The following ENTREP2 variants were observed in gnomAD, a reference collection of about 807,000 sequenced individuals.
ENTREP2 encodes protein ENTREP2.
At chr15:29,326,843 T>A in the ENTREP2 span, among the ~76,000 whole-genome samples, 51 of 152,162 alleles carry the variant, frequency 3.4e-4, no homozygotes, top group Non-Finnish European at 5.3e-4. Context: ...CAAGTCAACA[T>A]GGTATTGGCA....
chr15:29,273,124 C>G, the ENTREP2 span, among the ~76,000 whole-genome samples: 1 of 152,040 alleles, frequency 6.6e-6, no homozygotes, highest in East Asian at 1.9e-4. Flanking sequence ...TCTGTTCAGT[C>G]AGCTGGAGGG....
the ENTREP2 span, chr15:29,265,710 T>A: frequency 6.6e-6 from 1 of 152,224 alleles, no homozygotes; most frequent in Non-Finnish European, 1.5e-5. Context: ...GTCCTAGCCA[T>A]AAATTTATCT....
At chr15:29,152,790 G>A in the ENTREP2 span, among the ~76,000 whole-genome samples, 1,194 of 152,164 alleles carry the variant, frequency 7.8e-3, 8 homozygotes, top group Non-Finnish European at 0.011. Flanking sequence ...TTGTTTCTCC[G>A]AGATAAATGT....
At chr15:29,288,284 C>T in the ENTREP2 span, among the ~76,000 whole-genome samples, 1 of 152,190 alleles carries the variant, frequency 6.6e-6, no homozygotes, top group Non-Finnish European at 1.5e-5. Context: ...TGTGCATATA[C>T]AGTCATGTGC....
the ENTREP2 span, among the ~76,000 whole-genome samples, chr15:29,238,443 T>C: frequency 6.6e-6 from 1 of 151,984 alleles, no homozygotes; most frequent in South Asian, 2.1e-4. Context: ...CCATCCTGGC[T>C]AACACAGTGA....
the ENTREP2 span, among the ~76,000 whole-genome samples, chr15:29,140,309 G>C: frequency 1.3e-5 from 2 of 152,130 alleles, no homozygotes; most frequent in African/African-American, 4.8e-5. Context: ...CAGAGGAGAC[G>C]GGCAGACGCC....
At chr15:29,608,482 G>C in the ENTREP2 span, among the ~76,000 whole-genome samples, 1 of 151,046 alleles carries the variant, frequency 6.6e-6, no homozygotes, top group Non-Finnish European at 1.5e-5. Context: ...ATTCCTAGGG[G>C]CTCGACTGCT....
At chr15:29,234,032 G>C in the ENTREP2 span, 7 of 1,469,536 alleles carry the variant, frequency 4.8e-6, no homozygotes, top group Non-Finnish European at 6.7e-6. Flanking sequence ...TCTGGGTCAA[G>C]ATCTTCCTCA....
At chr15:29,564,241 G>A in the ENTREP2 span, among the ~76,000 whole-genome samples, 1 of 152,208 alleles carries the variant, frequency 6.6e-6, no homozygotes, top group Admixed American at 6.5e-5. Context: ...CCTTTGTAAA[G>A]CTCAGAAAGA....
the ENTREP2 span, among the ~76,000 whole-genome samples, chr15:29,354,825 A>T: frequency 6.6e-6 from 1 of 152,210 alleles, no homozygotes; most frequent in Non-Finnish European, 1.5e-5. Context: ...ACTGCAAAAA[A>T]AGAAAAAACT....
the ENTREP2 span, among the ~76,000 whole-genome samples, chr15:29,579,000 T>C: frequency 6.6e-6 from 1 of 152,208 alleles, no homozygotes; most frequent in Non-Finnish European, 1.5e-5. Context: ...TTCATTAGAA[T>C]AAGCAGTTAT....
the ENTREP2 span, among the ~76,000 whole-genome samples, chr15:29,319,598 G>A: frequency 6.6e-6 from 1 of 152,294 alleles, no homozygotes; most frequent in East Asian, 1.9e-4. Context: ...GTTCCAACAC[G>A]TAAAAAGCTT....
the ENTREP2 span, among the ~76,000 whole-genome samples, chr15:29,493,751 G>T: frequency 2.6e-5 from 4 of 152,082 alleles, no homozygotes; most frequent in Non-Finnish European, 5.9e-5. Flanking sequence ...TGAGGTGGGC[G>T]AATCACCTGA....
the ENTREP2 span, among the ~76,000 whole-genome samples, chr15:29,170,925 C>G: frequency 6.6e-6 from 1 of 152,190 alleles, no homozygotes; most frequent in Admixed American, 6.5e-5. Flanking sequence ...CTATTTGGCC[C>G]ACAGTTCTGG....
the ENTREP2 span, among the ~76,000 whole-genome samples, chr15:29,653,441 GTAATCCCCA>G: frequency 2.0e-5 from 3 of 152,158 alleles, no homozygotes; most frequent in African/African-American, 7.2e-5. Flanking sequence ...ATTTTGAGTT[GTAATCCCCA>G]TAATCCCCAC....
chr15:29,208,221 A>C, the ENTREP2 span, among the ~76,000 whole-genome samples: 2 of 142,602 alleles, frequency 1.4e-5, no homozygotes, highest in African/African-American at 5.2e-5. Context: ...TGGGCACTTA[A>C]TGCCAGGCAG....
At chr15:29,293,390 G>A in the ENTREP2 span, among the ~76,000 whole-genome samples, 1 of 151,674 alleles carries the variant, frequency 6.6e-6, no homozygotes, top group African/African-American at 2.4e-5. Flanking sequence ...TGGGACTACA[G>A]GCGCCCGCCA....
chr15:29,254,167 A>AT, the ENTREP2 span, among the ~76,000 whole-genome samples: 1 of 145,456 alleles, frequency 6.9e-6, no homozygotes, highest in African/African-American at 2.6e-5. Context: ...AGAGCAAAAA[A>AT]AAAAAAAAAA....
At chr15:29,183,844 A>G in the ENTREP2 span, among the ~76,000 whole-genome samples, 2 of 152,172 alleles carry the variant, frequency 1.3e-5, no homozygotes, top group South Asian at 4.1e-4. Flanking sequence ...GGGGACTCAG[A>G]TGGGTCTGCA....
Sources: allele counts gnomAD v4.1 joint callset (sites outside exome capture counted in the v4.1 genomes callset), GRCh38; gene constraint gnomAD v4.1.1; transcripts MANE v1.5; gene names NCBI Gene and HGNC (gene_info 2026-07-23, HGNC 2026-07-21).